The following PEMT variants were observed in gnomAD, a reference collection of about 807,000 sequenced individuals.
PEMT encodes the protein phospholipid methyltransferase.
Under a neutral mutation model 27.4 loss-of-function variants are expected in PEMT, and 23 were observed. That is an observed-to-expected ratio of 0.84 (90% CI 0.60 to 1.19). The LOEUF (loss-of-function observed/expected upper bound fraction) is 1.19, where lower values mean the gene tolerates loss of function less well. Ranked by LOEUF, PEMT falls within the 50% of genes most tolerant of loss-of-function variation. The probability of loss-of-function intolerance (pLI) is 0.00; values close to 1 mark genes in which losing one functional copy is unlikely to be tolerated. For synonymous variants in PEMT, 137 were observed against 139.1 expected (o/e 0.98, Z 0.11); for missense variants, 307 against 310.1 (o/e 0.99, Z 0.07).
At chr17:17,528,623 G>A (rs569375870) in intron 2 of PEMT, among the ~76,000 whole-genome samples, 1 of 152,180 alleles carries the variant, frequency 6.6e-6, no homozygotes, top group African/African-American at 2.4e-5. Context: ...TGAGTGAGAC[G>A]TCCCCGGGGC....
At chr17:17,591,473 C>T (rs1261085058) in intron 1 of PEMT, 58 bp downstream of exon 1, 3 of 1,404,988 alleles carry the variant, frequency 2.1e-6, no homozygotes, top group African/African-American at 2.9e-5. Flanking sequence ...GCCTTCACGC[C>T]CCTCGGGCCT....
chr17:17,519,877 G>A (rs1245983204), intron 3 of PEMT, among the ~76,000 whole-genome samples: 2 of 152,242 alleles, frequency 1.3e-5, no homozygotes, highest in Non-Finnish European at 2.9e-5. Context: ...GCTGCCTTGT[G>A]GCGCTGGCCG....
At chr17:17,550,978 C>T (rs1343732618) in intron 2 of PEMT, among the ~76,000 whole-genome samples, 1 of 152,222 alleles carries the variant, frequency 6.6e-6, no homozygotes, top group Non-Finnish European at 1.5e-5. Flanking sequence ...GCAGATCTTG[C>T]ATGTACCTGC....
intron 2 of PEMT, among the ~76,000 whole-genome samples, chr17:17,544,275 TTTTC>T (rs1909091864): frequency 6.8e-6 from 1 of 147,178 alleles, no homozygotes; most frequent in East Asian, 2.0e-4. Flanking sequence ...TTGTGTTTCT[TTTTC>T]TTTTCTTTTT....
intron 2 of PEMT, among the ~76,000 whole-genome samples, chr17:17,525,451 C>T (rs1907599589): frequency 6.6e-6 from 1 of 152,220 alleles, no homozygotes; most frequent in Non-Finnish European, 1.5e-5. Context: ...TCACTGGGAG[C>T]CCAGCTGCTC....
In PEMT at chr17:17,523,907, C is replaced by G. The variant is rs1004749994; in HGVS notation, c.205-1512G>C. Reference sequence around the variant, plus strand: ...AACATTTCATCACCCCAAGTAGAAACCCCGTCCTCCCCATCCCCCATCTGC... The same window carrying G: ...AACATTTCATCACCCCAAGTAGAAAGCCCGTCCTCCCCATCCCCCATCTGC... On this transcript the variant is annotated intron_variant, in intron 2 of 6. Transcript: ENST00000255389. This position sits in a 1 kb window ranked among gnomAD's most constrained non-coding sequence, Gnocchi z 4.8. Among the ~76,000 whole-genome samples the G allele has an allele frequency of 6.6e-6, 1 of 152,130 alleles. No homozygotes were observed. The highest frequency in any genetic ancestry group is 1.5e-5 in the Non-Finnish European group (1 of 68,028).
chr17:17,506,715 A>G (rs919186205), intron 5 of PEMT, among the ~76,000 whole-genome samples: 3 of 152,180 alleles, frequency 2.0e-5, no homozygotes, highest in African/African-American at 7.2e-5. Flanking sequence ...TGCTCTGAGG[A>G]ACAAAGGCTG....
At chr17:17,535,721 G>A (rs1908417950) in intron 2 of PEMT, among the ~76,000 whole-genome samples, 1 of 152,178 alleles carries the variant, frequency 6.6e-6, no homozygotes, top group Non-Finnish European at 1.5e-5. Context: ...GCGGAGAGGG[G>A]GCAGAAGACA....
chr17:17,573,292 C>T (rs1465235796), intron 2 of PEMT, among the ~76,000 whole-genome samples: 1 of 151,818 alleles, frequency 6.6e-6, no homozygotes, highest in African/African-American at 2.4e-5. Context: ...TGGTGAAACC[C>T]CATCTCTACT....
Position 17,512,296 on chromosome 17 carries a change from C to T in PEMT, c.466+213G>A, listed in dbSNP as rs1906466618. Among the ~76,000 whole-genome samples, 1 of 152,206 alleles carries T rather than the reference C, an allele frequency of 6.6e-6. No homozygotes were observed. The highest frequency in any genetic ancestry group is 6.5e-5 in the Admixed American group (1 of 15,282). ...GCCTTCACTCCCCAGGAGGCAGCCG[C>T]TCAGCACGCTGGGGTAAGAGGAGCT... On this transcript the variant is annotated intron_variant, in intron 4 of 6. Coordinates refer to ENST00000255389, the MANE Select transcript of PEMT (RefSeq NM_148172.3). The surrounding 1 kb of genome is among the most constrained non-coding windows in gnomAD (Gnocchi z 6.3).
chr17:17,545,289 G>T (rs1294221026), intron 2 of PEMT, among the ~76,000 whole-genome samples: 1 of 152,150 alleles, frequency 6.6e-6, no homozygotes. Flanking sequence ...CCGTCCTGGC[G>T]TCCCAGCCCA....
rs546062828 is a variant in PEMT at position 17,523,548 on chromosome 17, T to G, written c.205-1153A>C. ...TTACAGGAAGGAGAAGTGAAGGAGG[T>G]AGCTCCCGGGCCTTCCCCTCAACCA... is the stretch of plus-strand genomic sequence containing the variant. On this transcript the variant is annotated intron_variant, in intron 2 of 6. Coordinates refer to ENST00000255389, the MANE Select transcript of PEMT (RefSeq NM_148172.3). The surrounding 1 kb of genome is among the most constrained non-coding windows in gnomAD (Gnocchi z 4.8). Among the ~76,000 whole-genome samples the G allele has an allele frequency of 6.6e-6, 1 of 151,924 alleles. No homozygotes were observed. The highest frequency in any genetic ancestry group is 2.1e-4 in the South Asian group (1 of 4,798).
chr17:17,585,307 C>G (rs113930634), intron 1 of PEMT, among the ~76,000 whole-genome samples: 6,468 of 152,318 alleles, frequency 0.042, 461 homozygotes, highest in African/African-American at 0.15. Flanking sequence ...CACTGCACTC[C>G]AGCCTGGGCG....
At chr17:17,541,360 T>C (rs974854412) in intron 2 of PEMT, among the ~76,000 whole-genome samples, 1 of 152,172 alleles carries the variant, frequency 6.6e-6, no homozygotes, top group Admixed American at 6.5e-5. Context: ...TACACATTCC[T>C]AAAACCCAGG....
chr17:17,568,096 C>T (rs1910953975), intron 2 of PEMT, among the ~76,000 whole-genome samples: 1 of 152,172 alleles, frequency 6.6e-6, no homozygotes, highest in African/African-American at 2.4e-5. Context: ...CTTGAGCAGA[C>T]AGTCCAGATT....
chr17:17,506,958 G>T, intron 5 of PEMT: 1 of 585,000 alleles, frequency 1.7e-6, no homozygotes, highest in Non-Finnish European at 3.0e-6. Context: ...CCAGCCCAGA[G>T]GACGGGAGGC....
intron 2 of PEMT, among the ~76,000 whole-genome samples, chr17:17,554,416 C>T (rs1047582791): frequency 6.6e-6 from 1 of 152,120 alleles, no homozygotes; most frequent in African/African-American, 2.4e-5. Flanking sequence ...CCGTGCACGG[C>T]AAGCAGTACA....
At chr17:17,553,697 C>G (rs915586125) in intron 2 of PEMT, among the ~76,000 whole-genome samples, 5 of 152,280 alleles carry the variant, frequency 3.3e-5, no homozygotes, top group Non-Finnish European at 5.9e-5. Flanking sequence ...CGTCCAGCAC[C>G]TTCAGCAGGT....
upstream of PEMT, chr17:17,592,140 T>C (rs1358044319): frequency 7.1e-6 from 7 of 982,310 alleles, no homozygotes; most frequent in Non-Finnish European, 8.5e-6. Flanking sequence ...TTCGCTTTAC[T>C]CTGGGGGCGG....
Sources: allele counts gnomAD v4.1 joint callset (sites outside exome capture counted in the v4.1 genomes callset), GRCh38; gene constraint gnomAD v4.1.1; non-coding constraint Gnocchi (gnomAD v3.1); transcripts MANE v1.5; gene names NCBI Gene and HGNC (gene_info 2026-07-23, HGNC 2026-07-21).